Variants in GFRA1 observed in about 807,000 individuals in gnomAD.
The protein encoded by GFRA1 is GDNF family receptor alpha 1.
GFRA1 carries 16 observed loss-of-function variants against 51.6 expected under a neutral mutation model. That is an observed-to-expected ratio of 0.31 (90% CI 0.21 to 0.47). The LOEUF (loss-of-function observed/expected upper bound fraction) is 0.47. Among genes scored for constraint, GFRA1 ranks in the 20% least tolerant of loss-of-function variants. The pLI is 1.00. For synonymous variants in GFRA1, 270 were observed against 241.3 expected (o/e 1.12, Z -1.10); for missense variants, 530 against 594.3 (o/e 0.89, Z 1.13).
intron 5 of GFRA1, among the ~76,000 whole-genome samples, chr10:116,200,423 G>C (rs944975875): frequency 3.3e-5 from 5 of 152,218 alleles, no homozygotes; most frequent in African/African-American, 1.2e-4. Context: ...TTCTACTTAA[G>C]TTTTGGGAAT....
intron 5 of GFRA1, among the ~76,000 whole-genome samples, chr10:116,161,908 G>A (rs1320475358): frequency 6.6e-6 from 1 of 152,080 alleles, no homozygotes; most frequent in Non-Finnish European, 1.5e-5. Context: ...TGTTCAAATG[G>A]GCCACTTGGC....
At chr10:116,273,958 C>A (rs1844127852), upstream of GFRA1, among the ~76,000 whole-genome samples, 2 of 152,200 alleles carry the variant, frequency 1.3e-5, no homozygotes, top group African/African-American at 2.4e-5. Flanking sequence ...CTCTACCTCT[C>A]TCCTGGAGCT....
intron 4 of GFRA1, among the ~76,000 whole-genome samples, chr10:116,230,307 G>A (rs572776311): frequency 3.9e-5 from 6 of 152,286 alleles, no homozygotes; most frequent in Admixed American, 2.6e-4. Flanking sequence ...TGAAAGATGA[G>A]TACTGTTATC....
At chr10:116,083,120 C>CAACT (rs1955927641) in intron 9 of GFRA1, among the ~76,000 whole-genome samples, 2 of 152,230 alleles carry the variant, frequency 1.3e-5, no homozygotes, top group Admixed American at 6.5e-5. Flanking sequence ...CACTCAGGTC[C>CAACT]AACTAACTCC....
Position 116,092,096 on chromosome 10 carries a change from TACACACACAC to T in GFRA1, c.1015+1596_1015+1605del, listed in dbSNP as rs58442181. The stretch of plus-strand genomic sequence containing the variant: ...AAAAGAGGAAATATACATACATACG[TACACACACAC>T]ACACACACACACACACACACACACA... On this transcript the variant is annotated intron_variant, in intron 8 of 10. Coordinates refer to ENST00000355422, the MANE Select transcript of GFRA1 (RefSeq NM_005264.8). Among the ~76,000 whole-genome samples, 243 of 138,210 alleles carry T rather than the reference TACACACACAC, an allele frequency of 1.8e-3. 1 individual carries two copies. The highest frequency in any genetic ancestry group is 4.2e-3 in the Admixed American group (57 of 13,680). 90.7% of individuals were successfully genotyped at this position (138,210 alleles called of 152,430 possible). A position where few individuals can be genotyped will look rare whatever the true frequency, so the allele number is the denominator to read the frequency against.
chr10:116,100,902 G>T (rs1207915847), intron 6 of GFRA1, among the ~76,000 whole-genome samples: 2 of 152,098 alleles, frequency 1.3e-5, no homozygotes, highest in Non-Finnish European at 2.9e-5. Context: ...GGACTGGAGG[G>T]GTGAGAACAG....
At chr10:116,135,850 AG>A (rs1958301676) in intron 5 of GFRA1, among the ~76,000 whole-genome samples, 1 of 152,206 alleles carries the variant, frequency 6.6e-6, no homozygotes. Context: ...AGTCTAAGAC[AG>A]GCCATTTTTA....
chr10:116,177,703 G>A (rs978149755), intron 5 of GFRA1, among the ~76,000 whole-genome samples: 7 of 150,884 alleles, frequency 4.6e-5, no homozygotes, highest in South Asian at 2.1e-4. Context: ...CAGAAGAAAC[G>A]TAAACATACT....
chr10:116,207,460 G>T (rs1008981444), intron 5 of GFRA1, among the ~76,000 whole-genome samples: 1 of 152,192 alleles, frequency 6.6e-6, no homozygotes. Flanking sequence ...CTGCAGAGCT[G>T]GGGAGTAGCC....
At position 116,205,926 on chromosome 10, in the gene GFRA1, TCACACACACACA is replaced by T. The variant is rs55780139; in HGVS notation, c.433+5693_433+5704del. 6.6e-3 allele frequency among the ~76,000 whole-genome samples: 947 copies of T among 142,580 alleles called. 6 individuals are homozygous for T. The highest frequency in any genetic ancestry group is 0.02 in the African/African-American group (762 of 38,832). The allele number at this position is 142,580 out of a possible 152,430, so 93.5% of individuals were successfully genotyped here. ...AAATCTGGTTATCATTTTCCTCATATCACACACACACACACACACACACACACACACACACAC... is the reference window on the plus strand; with the variant it reads ...AAATCTGGTTATCATTTTCCTCATATCACACACACACACACACACACACAC... On this transcript the variant is annotated intron_variant, in intron 5 of 10. Coordinates refer to ENST00000355422, the MANE Select transcript of GFRA1 (RefSeq NM_005264.8).
At position 116,062,277 on chromosome 10, in the gene GFRA1, T is replaced by G; in HGVS notation, c.*2121A>C. 1 of 396,834 alleles carries G rather than the reference T, an allele frequency of 2.5e-6. No individual in the cohort carries two copies. Among genetic ancestry groups the G allele is most frequent in the Non-Finnish European group, 4.4e-6 (1 of 225,414 alleles). The allele number at this position is 396,834 out of a possible 1,614,324, so 24.6% of individuals were successfully genotyped here. A position where few individuals can be genotyped will look rare whatever the true frequency, so the allele number is the denominator to read the frequency against. On this transcript the variant is annotated 3_prime_UTR_variant, in exon 11 of 11. Coordinates refer to ENST00000355422, the MANE Select transcript of GFRA1 (RefSeq NM_005264.8). ...ATACCTTAATGAAAACAAAATACAC[T>G]CTGTAAGAGATATGCGCTCATAGAT...
At chr10:116,233,112 C>T (rs755159132) in intron 4 of GFRA1, among the ~76,000 whole-genome samples, 7 of 151,990 alleles carry the variant, frequency 4.6e-5, no homozygotes, top group Middle Eastern at 3.4e-3. Context: ...AGATCACTTG[C>T]GGTCAGGAGT....
chr10:116,241,779 G>T (rs1303458599), intron 4 of GFRA1, among the ~76,000 whole-genome samples: 3 of 152,146 alleles, frequency 2.0e-5, no homozygotes, highest in Non-Finnish European at 4.4e-5. Context: ...TGTTCTGCAG[G>T]CTAGCTAGAA....
chr10:116,199,002 T>C (rs1228029273), intron 5 of GFRA1, among the ~76,000 whole-genome samples: 2 of 152,072 alleles, frequency 1.3e-5, no homozygotes, highest in East Asian at 1.9e-4. Context: ...GAGGCAGAGA[T>C]GGGAGTGATG....
At position 116,062,391 on chromosome 10, in the gene GFRA1, G is replaced by A. The variant is rs2133748427; in HGVS notation, c.*2007C>T. 2.9e-6 allele frequency: 1 copy of A among 344,378 alleles called. No individual in the cohort carries two copies. Among genetic ancestry groups the A allele is most frequent in the East Asian group, 4.3e-5 (1 of 22,990 alleles). 21.3% of individuals were successfully genotyped at this position (344,378 alleles called of 1,614,324 possible). A position where few individuals can be genotyped will look rare whatever the true frequency, so the allele number is the denominator to read the frequency against. ...TAGATCTTTTCACTAATTAAATACA[G>A]TTGGGTGTCTGCTGAATTTCCCTTG... On this transcript the variant is annotated 3_prime_UTR_variant, in exon 11 of 11. Transcript: ENST00000355422.
At chr10:116,252,305 G>A (rs993914302) in intron 4 of GFRA1, among the ~76,000 whole-genome samples, 2 of 151,912 alleles carry the variant, frequency 1.3e-5, no homozygotes, top group Non-Finnish European at 2.9e-5. Flanking sequence ...TATCTACCTC[G>A]ACTGCACTTT....
chr10:116,136,233 G>A (rs1358675443), intron 5 of GFRA1, among the ~76,000 whole-genome samples: 2 of 152,154 alleles, frequency 1.3e-5, no homozygotes, highest in Non-Finnish European at 2.9e-5. Context: ...GTATTTAATT[G>A]CTAACATCTC....
intron 5 of GFRA1, among the ~76,000 whole-genome samples, chr10:116,202,760 C>T (rs917079124): frequency 6.6e-6 from 1 of 152,166 alleles, no homozygotes; most frequent in Non-Finnish European, 1.5e-5. Flanking sequence ...AATCCACCCT[C>T]ATGATCTAAT....
At chr10:116,066,304 G>A (rs931118245) in intron 9 of GFRA1, among the ~76,000 whole-genome samples, 6 of 152,078 alleles carry the variant, frequency 3.9e-5, no homozygotes, top group Admixed American at 6.6e-5. Flanking sequence ...CATAGAATCC[G>A]GGGCTAAGGC....
Sources: allele counts gnomAD v4.1 joint callset (sites outside exome capture counted in the v4.1 genomes callset), GRCh38; gene constraint gnomAD v4.1.1; transcripts MANE v1.5; gene names NCBI Gene and HGNC (gene_info 2026-07-23, HGNC 2026-07-21).